The following HDC variants were observed in gnomAD, a reference collection of about 807,000 sequenced individuals.
HDC encodes histidine decarboxylase.
A neutral mutation model predicts 64.4 loss-of-function variants in HDC; 27 were observed. The ratio of observed to expected loss-of-function variants is 0.42; its 90% CI spans 0.31 to 0.58. The LOEUF (loss-of-function observed/expected upper bound fraction) is 0.58. HDC is among the 20% of genes least tolerant of loss of function. The pLI is 0.16. For missense variants in HDC, 711 were observed against 833.9 expected (o/e 0.85, Z 1.81); for synonymous variants, 305 against 314.2 (o/e 0.97, Z 0.31).
At chr15:50,253,709 G>A (rs773118199) in intron 6 of HDC, 43 bp from the exon 7 acceptor site, 35 of 1,498,678 alleles carry the variant, frequency 2.3e-5, no homozygotes, top group East Asian at 4.5e-5. Context: ...GGGTGGGCTC[G>A]TGTGACACAT....
At chr15:50,257,372 T>C in intron 4 of HDC, 53 bp downstream of exon 4, 7 of 1,613,072 alleles carry the variant, frequency 4.3e-6, no homozygotes, top group Non-Finnish European at 5.1e-6. Context: ...GGGTTTGGCT[T>C]GTCTTTCGCT....
chr15:50,252,418 CTGGCCACTCACCATGAAGTCGG>C lies in HDC; in HGVS notation c.1031_1041+11del. On this transcript the variant is annotated splice_donor_variant and splice_donor_5th_base_variant and coding_sequence_variant and intron_variant, in exon 9 of 12. Transcript: ENST00000267845. LOFTEE classifies it high-confidence loss of function. Reference sequence around the variant, plus strand: ...CCCGAGCCCACCAGGCTGCCCGTCCCTGGCCACTCACCATGAAGTCGGTGGCCACGCCTGAGTTGGCATGCCT... The same window carrying C: ...CCCGAGCCCACCAGGCTGCCCGTCCCTGGCCACGCCTGAGTTGGCATGCCT... The C allele has an allele frequency of 1.2e-6, 2 of 1,612,726 alleles. No individual in the cohort carries two copies. The highest frequency in any genetic ancestry group is 1.7e-6 in the Non-Finnish European group (2 of 1,178,700).
At position 50,263,408 on chromosome 15, in the gene HDC, C is replaced by G; in HGVS notation, c.32-1G>C. 6.2e-7 allele frequency: 1 copy of G among 1,614,002 alleles called. No homozygotes were observed. Among genetic ancestry groups the G allele is most frequent in the Non-Finnish European group, 8.5e-7 (1 of 1,179,940 alleles). ...CAGATGTAATCCACCATCTCTCTCC[C>G]TAGAAGTGACATAGAGAAATCAGGC... On this transcript the variant is annotated splice_acceptor_variant, in intron 1 of 11. Transcript: ENST00000267845. LOFTEE classifies it high-confidence loss of function.
rs1439920682 is a variant in HDC at position 50,248,938 on chromosome 15, G to A, written c.1042-595C>T. On this transcript the variant is annotated intron_variant, in intron 9 of 11. Coordinates refer to ENST00000267845, the MANE Select transcript of HDC (RefSeq NM_002112.4). This position sits in a 1 kb window ranked among gnomAD's most constrained non-coding sequence, Gnocchi z 4.3. ...AGGACAAAGAACGCCAAGAGCCTCAGAAGAAGTTGTCAGTAGGTGTTGGCT... is the reference window on the plus strand; with the variant it reads ...AGGACAAAGAACGCCAAGAGCCTCAAAAGAAGTTGTCAGTAGGTGTTGGCT... Among the ~76,000 whole-genome samples, 1 of 152,222 alleles carries A rather than the reference G, an allele frequency of 6.6e-6. No homozygotes were observed. Among genetic ancestry groups the A allele is most frequent in the South Asian group, 2.1e-4 (1 of 4,830 alleles).
rs1010514955 is a variant in HDC, at chr15:50,248,798, G to C, written c.1042-455C>G. 6.6e-6 allele frequency among the ~76,000 whole-genome samples: 1 copy of C among 152,202 alleles called. No individual in the cohort carries two copies. Among genetic ancestry groups the C allele is most frequent in the Admixed American group, 6.5e-5 (1 of 15,292 alleles). On this transcript the variant is annotated intron_variant, in intron 9 of 11. Coordinates refer to ENST00000267845, the MANE Select transcript of HDC (RefSeq NM_002112.4). This position sits in a 1 kb window ranked among gnomAD's most constrained non-coding sequence, Gnocchi z 4.3. ...CAGACACTAGAGCCCTGCAGACCTA[G>C]GTTTCGCCTCCAGCTGTGCCACTTA...
Position 50,259,237 on chromosome 15 carries a change from G to T in HDC, c.205-720C>A, listed in dbSNP as rs148668718. ...TGTTTCATCCAGTTTCTTGCAAAAG[G>T]CACCTTTTGTTTTTGTTTTATGGAG... On this transcript the variant is annotated intron_variant, in intron 2 of 11. Transcript: ENST00000267845. Among the ~76,000 whole-genome samples, 4 of 152,304 alleles carry T rather than the reference G, an allele frequency of 2.6e-5. No homozygotes were observed. In the East Asian group the frequency reaches 7.7e-4, roughly 29 times the overall value.
intron 7 of HDC, 62 bp downstream of exon 7, chr15:50,253,538 G>A (rs2045586048): frequency 6.9e-7 from 1 of 1,439,968 alleles, no homozygotes; most frequent in African/African-American, 1.4e-5. Context: ...TCAGGTCCTT[G>A]CTTTAGGAGA....
Position 50,241,982 on chromosome 15 carries a change from T to C in HDC, c.*278A>G. 3.7e-6 allele frequency: 2 copies of C among 539,508 alleles called. No individual in the cohort carries two copies. Among genetic ancestry groups the C allele is most frequent in the Non-Finnish European group, 6.6e-6 (2 of 301,294 alleles). 33.4% of individuals were successfully genotyped at this position (539,508 alleles called of 1,614,324 possible). A position where few individuals can be genotyped will look rare whatever the true frequency, so the allele number is the denominator to read the frequency against. On this transcript the variant is annotated 3_prime_UTR_variant, in exon 12 of 12. Coordinates refer to ENST00000267845, the MANE Select transcript of HDC (RefSeq NM_002112.4). Reference sequence around the variant, plus strand: ...GGGACAAGCATAATTTATTTCTGTGTTATATATCATGTCACAAGCTGAACC... The same window carrying C: ...GGGACAAGCATAATTTATTTCTGTGCTATATATCATGTCACAAGCTGAACC...
chr15:50,259,106 G>A (rs1224925685), intron 2 of HDC, among the ~76,000 whole-genome samples: 1 of 151,806 alleles, frequency 6.6e-6, no homozygotes, highest in Non-Finnish European at 1.5e-5. Context: ...AGCTTGCAGT[G>A]AGCCAAGATC....
chr15:50,260,996 G>C (rs926511616), intron 2 of HDC, among the ~76,000 whole-genome samples: 2 of 152,088 alleles, frequency 1.3e-5, no homozygotes, highest in Admixed American at 6.5e-5. Context: ...GTAAGCAAAG[G>C]GCCAACTGCT....
At chr15:50,257,679 G>T (rs761958800) in intron 3 of HDC, 132 bp from the exon 4 acceptor site, 3 of 983,952 alleles carry the variant, frequency 3.0e-6, no homozygotes, top group Non-Finnish European at 4.8e-6. Flanking sequence ...GTTAGGCCAC[G>T]TGCCTCTCTC....
chr15:50,253,746 A>T, intron 6 of HDC, 80 bp from the exon 7 acceptor site: 1 of 1,061,124 alleles, frequency 9.4e-7, no homozygotes, highest in Non-Finnish European at 1.5e-6. Flanking sequence ...TTCACCACAG[A>T]CGTGATCTAC....
intron 10 of HDC, among the ~76,000 whole-genome samples, chr15:50,247,533 G>C (rs1441055474): frequency 6.6e-6 from 1 of 152,174 alleles, no homozygotes; most frequent in Non-Finnish European, 1.5e-5. Flanking sequence ...AGTGTCTTCA[G>C]CTTCCCCCAC....
intron 9 of HDC, among the ~76,000 whole-genome samples, chr15:50,251,792 A>G (rs2045558030): frequency 6.6e-6 from 1 of 151,816 alleles, no homozygotes; most frequent in Non-Finnish European, 1.5e-5. Flanking sequence ...AGATGGCGCC[A>G]CTGCTCTCCA....
chr15:50,262,596 C>T (rs1214618234), intron 2 of HDC, among the ~76,000 whole-genome samples: 1 of 152,196 alleles, frequency 6.6e-6, no homozygotes, highest in East Asian at 1.9e-4. Context: ...CAGCACTATC[C>T]CAGGCTGCAC....
intron 4 of HDC, among the ~76,000 whole-genome samples, chr15:50,256,267 C>T (rs917419039): frequency 2.6e-5 from 4 of 152,176 alleles, no homozygotes; most frequent in Non-Finnish European, 5.9e-5. Flanking sequence ...CAACATGCTG[C>T]AATTTGTCTT....
chr15:50,253,989 G>T, intron 6 of HDC, 141 bp downstream of exon 6: 1 of 854,794 alleles, frequency 1.2e-6, no homozygotes. Context: ...CCTATGGATA[G>T]CACCTCATGA....
In HDC at chr15:50,253,675, A is replaced by G. The variant is rs1454316724; in HGVS notation, c.721-9T>C. ...CCTAGTGTTGCACAGACCTAGGGGA[A>G]AATTAAGGCAAGTTAACACAGGAGG... On this transcript the variant is annotated splice_polypyrimidine_tract_variant and intron_variant, in intron 6 of 11. Transcript: ENST00000267845. The G allele has an allele frequency of 1.2e-6, 2 of 1,612,196 alleles. No homozygotes were observed. Among genetic ancestry groups the G allele is most frequent in the South Asian group, 1.1e-5 (1 of 91,004 alleles).
Position 50,242,264 on chromosome 15 carries a change from A to C in HDC, c.1985T>G (p.Val662Gly), listed in dbSNP as rs753525968. Residue 662 changes from valine (V) to glycine (G), a missense_variant, in exon 12 of 12, where the codon GTT becomes GGT. Physicochemically the swap from Val to Gly is moderately radical, Grantham distance 109. Around this residue, in one of 3 missense-constraint regions of HDC, gnomAD observed 483 missense variants for 540.9 expected, o/e 0.89. Coordinates refer to ENST00000267845, the MANE Select transcript of HDC (RefSeq NM_002112.4). ...CTCTGGCTGAAGGCCCTGTGTCTAA[A>C]CCATGGCCTGCAGAGGGCAACAGGG... ...QLPCCPLQAM[V>G] The C allele has an allele frequency of 6.2e-7, 1 of 1,613,566 alleles. No homozygotes were observed. Among genetic ancestry groups the C allele is most frequent in the Non-Finnish European group, 8.5e-7 (1 of 1,179,440 alleles).
Sources: gnomAD v4.1 joint callset for allele counts (sites outside exome capture counted in the v4.1 genomes callset) on GRCh38, gnomAD v4.1.1 for gene constraint, gnomAD v4.1.1 regional missense constraint, Gnocchi (gnomAD v3.1) non-coding constraint, MANE v1.5 for transcripts, NCBI Gene and HGNC (gene_info 2026-07-23, HGNC 2026-07-21) for gene names.